Variants in SEMA3D observed in about 807,000 individuals in gnomAD.
SEMA3D encodes semaphorin 3D.
SEMA3D carries 84 observed loss-of-function variants against 100.1 expected under a neutral mutation model. That is an observed-to-expected ratio of 0.84 (90% CI 0.70 to 1.01). The LOEUF (loss-of-function observed/expected upper bound fraction) is 1.01, where lower values mean the gene tolerates loss of function less well. Among genes scored for constraint, SEMA3D ranks in the 50% least tolerant of loss-of-function variants. The probability of loss-of-function intolerance (pLI) is 0.00; values close to 1 mark genes in which losing one functional copy is unlikely to be tolerated. For synonymous variants in SEMA3D, 312 were observed against 320.7 expected, an observed-to-expected ratio of 0.97 and a Z score of 0.29; for missense variants, 875 against 934.1, an observed-to-expected ratio of 0.94 and a Z score of 0.82.
chr7:85,207,765 A>G, the SEMA3D span, among the ~76,000 whole-genome samples: 3 of 152,014 alleles, frequency 2.0e-5, no homozygotes, highest in East Asian at 1.9e-4. Context: ...ATTCACAAAG[A>G]TTTTCTTTAA....
intron 4 of SEMA3D, 133 bp from the exon 5 acceptor site, chr7:85,081,712 AT>A: frequency 1.6e-6 from 1 of 625,786 alleles, no homozygotes; most frequent in Non-Finnish European, 2.8e-6. Flanking sequence ...AATGTGGGAA[AT>A]TTGAGATTTA....
chr7:85,243,027 C>T, the SEMA3D span, among the ~76,000 whole-genome samples: 3 of 152,188 alleles, frequency 2.0e-5, no homozygotes, highest in Middle Eastern at 3.4e-3. Flanking sequence ...TTTGTTGAGC[C>T]TGTGACTCTG....
intron 4 of SEMA3D, among the ~76,000 whole-genome samples, chr7:85,082,956 G>A (rs1021210133): frequency 6.6e-5 from 10 of 152,150 alleles, no homozygotes; most frequent in African/African-American, 2.4e-4. Flanking sequence ...TTCAGAAATG[G>A]TTTGAATCAC....
the SEMA3D span, among the ~76,000 whole-genome samples, chr7:85,250,047 C>A: frequency 6.6e-6 from 1 of 152,122 alleles, no homozygotes; most frequent in African/African-American, 2.4e-5. Context: ...GAGGCATTGC[C>A]TCACTTGGGA....
chr7:85,049,524 G>A (rs1341691503), intron 9 of SEMA3D, among the ~76,000 whole-genome samples: 1 of 151,424 alleles, frequency 6.6e-6, no homozygotes, highest in African/African-American at 2.4e-5. Context: ...AAAAAAAGCT[G>A]TAGCAAACAG....
At chr7:85,081,652 G>C in intron 4 of SEMA3D, 73 bp from the exon 5 acceptor site, 1 of 963,436 alleles carries the variant, frequency 1.0e-6, no homozygotes, top group Non-Finnish European at 1.7e-6. Context: ...TCTGCTCAGA[G>C]AGTGAATGTG....
chr7:85,018,648 T>G (rs1790171531), intron 14 of SEMA3D, among the ~76,000 whole-genome samples: 1 of 151,774 alleles, frequency 6.6e-6, no homozygotes, highest in Non-Finnish European at 1.5e-5. Flanking sequence ...AACATCTCCA[T>G]AATTATTTAT....
At chr7:85,083,819 C>A (rs1583906367) in intron 4 of SEMA3D, among the ~76,000 whole-genome samples, 2 of 145,004 alleles carry the variant, frequency 1.4e-5, no homozygotes, top group East Asian at 4.1e-4. Context: ...TGCACTCCAG[C>A]CTGGGCGACA....
chr7:85,111,847 T>C (rs1217196512), intron 3 of SEMA3D, among the ~76,000 whole-genome samples: 1 of 152,076 alleles, frequency 6.6e-6, no homozygotes, highest in Non-Finnish European at 1.5e-5. Context: ...CCATCTTCTT[T>C]AGGATCCTTA....
rs754411673 is a variant in SEMA3D at position 85,121,917 on chromosome 7, T to A, written c.-26A>T. 6.7e-7 allele frequency: 1 copy of A among 1,493,944 alleles called. No individual in the cohort carries two copies. The highest frequency in any genetic ancestry group is 9.1e-7 in the Non-Finnish European group (1 of 1,101,778). 92.5% of individuals were successfully genotyped at this position (1,493,944 alleles called of 1,614,324 possible). A position where few individuals can be genotyped will look rare whatever the true frequency, so the allele number is the denominator to read the frequency against. ...GATGAAAACAATGTTCTCTTTCAAATGGTGTTAATTTAATCTAAAAAAGAG... is the reference window on the plus strand; with the variant it reads ...GATGAAAACAATGTTCTCTTTCAAAAGGTGTTAATTTAATCTAAAAAAGAG... On this transcript the variant is annotated 5_prime_UTR_variant, in exon 3 of 19. Coordinates refer to ENST00000284136, the MANE Select transcript of SEMA3D (RefSeq NM_001384900.1).
At chr7:85,130,800 C>CA (rs1789706473) in intron 2 of SEMA3D, among the ~76,000 whole-genome samples, 1 of 152,056 alleles carries the variant, frequency 6.6e-6, no homozygotes, top group Non-Finnish European at 1.5e-5. Flanking sequence ...GCTACACCTC[C>CA]ACATATCCCA....
intron 5 of SEMA3D, among the ~76,000 whole-genome samples, chr7:85,077,374 G>A (rs748987086): frequency 7.9e-5 from 12 of 151,642 alleles, no homozygotes; most frequent in Admixed American, 2.6e-4. Context: ...GGAACACAAG[G>A]TATTATACTG....
intron 3 of SEMA3D, 148 bp downstream of exon 3, chr7:85,121,593 G>A: frequency 1.9e-6 from 1 of 521,328 alleles, no homozygotes; most frequent in Non-Finnish European, 3.3e-6. Flanking sequence ...GAGTAATTGG[G>A]CTTCGTGTTC....
At chr7:85,208,797 A>G in the SEMA3D span, among the ~76,000 whole-genome samples, 1 of 152,070 alleles carries the variant, frequency 6.6e-6, no homozygotes, top group East Asian at 1.9e-4. Context: ...CTTCTCTCAC[A>G]CACATTTATG....
chr7:84,999,706 C>T lies in SEMA3D; in HGVS notation c.2068G>A (p.Glu690Lys), dbSNP rs372541533. The change falls in exon 19 of 19, where the codon GAA becomes AAA. Residue 690 changes from glutamate (E) to lysine (K), a missense_variant. Coordinates refer to ENST00000284136, the MANE Select transcript of SEMA3D (RefSeq NM_001384900.1). Reference protein sequence around the residue: ...TLNVIENEQMENTQRAEHEEG... With the variant: ...TLNVIENEQMKNTQRAEHEEG... ...TCATGCTCTGCCCTCTGGGTATTTT[C>T]CATCTGTTCATTCTCAATGACATTC... The T allele has an allele frequency of 1.2e-6, 2 of 1,613,928 alleles. No individual in the cohort carries two copies. Among genetic ancestry groups the T allele is most frequent in the Non-Finnish European group, 1.7e-6 (2 of 1,180,008 alleles).
intron 12 of SEMA3D, among the ~76,000 whole-genome samples, chr7:85,035,795 T>G (rs1293794550): frequency 1.3e-5 from 2 of 151,754 alleles, no homozygotes; most frequent in Non-Finnish European, 2.9e-5. Flanking sequence ...GAAAATCATA[T>G]TGTTTGAAAA....
At chr7:85,023,625 T>C (rs567412276) in intron 12 of SEMA3D, among the ~76,000 whole-genome samples, 50 of 151,926 alleles carry the variant, frequency 3.3e-4, no homozygotes, top group African/African-American at 1.2e-3. Flanking sequence ...TTGGAAACAG[T>C]CTCCATGGAA....
At chr7:85,133,589 T>C (rs1371749269) in intron 2 of SEMA3D, among the ~76,000 whole-genome samples, 5 of 152,020 alleles carry the variant, frequency 3.3e-5, no homozygotes, top group Non-Finnish European at 5.9e-5. Context: ...CCATGTGTTA[T>C]AGCAACTGAG....
chr7:85,141,363 C>A (rs767325227), intron 2 of SEMA3D: 774 of 984,112 alleles, frequency 7.9e-4, no homozygotes, highest in Non-Finnish European at 8.9e-4. Flanking sequence ...GCACAGTATG[C>A]CCTATTTCTC....
Sources: allele counts gnomAD v4.1 joint callset (sites outside exome capture counted in the v4.1 genomes callset), GRCh38; gene constraint gnomAD v4.1.1; transcripts MANE v1.5; gene names NCBI Gene and HGNC (gene_info 2026-07-23, HGNC 2026-07-21).